RRP36: variants seen among roughly 807,000 people sequenced by gnomAD.
RRP36 encodes the protein ribosomal RNA processing protein 36 homolog.
Under a neutral mutation model 39.8 loss-of-function variants are expected in RRP36, and 44 were observed. The ratio of observed to expected loss-of-function variants is 1.10; its 90% CI spans 0.87 to 1.42. The LOEUF is 1.42. RRP36 is among the 40% of genes most tolerant of loss of function. RRP36 has a pLI of 0.00. For synonymous variants in RRP36, 124 were observed against 123.1 expected, an observed-to-expected ratio of 1.01 and a Z score of -0.05; for missense variants, 316 against 322.4, an observed-to-expected ratio of 0.98 and a Z score of 0.15.
chr6:43,026,248 T>A (rs1471170104), intron 4 of RRP36, 107 bp downstream of exon 4: 5 of 674,772 alleles, frequency 7.4e-6, no homozygotes, highest in East Asian at 5.4e-5. Context: ...TGGGCAGATT[T>A]AACTCTCTCC....
intron 1 of RRP36, 23 bp downstream of exon 1, chr6:43,021,807 G>A: frequency 2.5e-6 from 3 of 1,192,598 alleles, no homozygotes; most frequent in Non-Finnish European, 3.1e-6. Context: ...GGCAGGGCGG[G>A]CTGGGGAGGG....
chr6:43,028,722 G>A (rs980444319), intron 6 of RRP36, among the ~76,000 whole-genome samples: 1 of 151,938 alleles, frequency 6.6e-6, no homozygotes, highest in African/African-American at 2.4e-5. Context: ...AGGCTGAGGA[G>A]AGCGGATCAC....
intron 1 of RRP36, among the ~76,000 whole-genome samples, chr6:43,022,145 G>C (rs1375347072): frequency 6.6e-6 from 1 of 151,430 alleles, no homozygotes; most frequent in Non-Finnish European, 1.5e-5. Flanking sequence ...TCTCTCTGTC[G>C]CCAAGGCTGG....
Position 43,021,690 on chromosome 6 carries a change from CG to C in RRP36, c.40del (p.Ala14ProfsTer29), listed in dbSNP as rs1431083060. The C allele has an allele frequency of 8.2e-7, 1 of 1,226,702 alleles. No homozygotes were observed. Among genetic ancestry groups the C allele is most frequent in the South Asian group, 3.9e-5 (1 of 25,568 alleles). The allele number at this position is 1,226,702 out of a possible 1,614,324, so 76.0% of individuals were successfully genotyped here. A position where few individuals can be genotyped will look rare whatever the true frequency, so the allele number is the denominator to read the frequency against. On this transcript the variant is annotated frameshift_variant, in exon 1 of 7. Coordinates refer to ENST00000244496, the MANE Select transcript of RRP36 (RefSeq NM_033112.4). LOFTEE classifies it high-confidence loss of function. Reference protein sequence around the residue: ...GANYRAGAGAGAGARRPRGAR... With the variant: ...GANYRAGAGAXAGARRPRGAR... ...CTAACTACCGCGCCGGGGCCGGGGC[CG>C]GGGCCGGGGCCCGACGTCCCCGCGG...
chr6:43,028,055 C>T (rs1164924150), intron 6 of RRP36, among the ~76,000 whole-genome samples: 4 of 152,182 alleles, frequency 2.6e-5, no homozygotes, highest in East Asian at 1.9e-4. Flanking sequence ...GGGCTGGGCA[C>T]GGTGGCTCAC....
rs765100187 is a variant in RRP36, at chr6:43,021,644, A to T, written c.-11A>T. The T allele has an allele frequency of 7.8e-6, 10 of 1,284,372 alleles. No individual in the cohort carries two copies. Among genetic ancestry groups the T allele is most frequent in the South Asian group, 3.2e-5 (1 of 31,222 alleles). 79.6% of individuals were successfully genotyped at this position (1,284,372 alleles called of 1,614,324 possible). On this transcript the variant is annotated 5_prime_UTR_variant, in exon 1 of 7. Transcript: ENST00000244496. ...CGGCGCCATTCGTCTTCCGAGCGCT[A>T]CTGCCAGCTGATGCCGGGAGCTAAC... is the stretch of plus-strand genomic sequence containing the variant.
Position 43,021,777 on chromosome 6 carries a change from A to G in RRP36, c.123A>G (p.Leu41=), listed in dbSNP as rs1334400060. Residue 41 remains leucine, a synonymous_variant, in exon 1 of 7, where the codon CTA becomes CTG. Transcript: ENST00000244496. ...GLEPAAVARD[L]LRGTSNMSFE... is the part of the protein sequence containing the mutation. ...AGCCCGCGGCCGTGGCCCGCGACCT[A>G]TTGAGGGGTGAGGGCATGGGGCAGG... 6 of 602,974 alleles carry G rather than the reference A, an allele frequency of 1.0e-5. No individual in the cohort carries two copies. The highest frequency in any genetic ancestry group is 1.3e-5 in the Non-Finnish European group (6 of 476,016). 37.4% of individuals were successfully genotyped at this position (602,974 alleles called of 1,614,324 possible).
Position 43,027,268 on chromosome 6 carries a change from T to C in RRP36, c.525+16T>C, listed in dbSNP as rs1274582150. The C allele has an allele frequency of 3.1e-6, 5 of 1,613,706 alleles. No individual in the cohort carries two copies. In the Admixed American group the frequency reaches 5.0e-5, roughly 16 times the overall value. On this transcript the variant is annotated intron_variant, in intron 5 of 6. Transcript: ENST00000244496. Reference sequence around the variant, plus strand: ...TCAGCGAATGGTGAGTGGGTAATAATTGTGGTGGGTAATGAAAGCAATTAA... The same window carrying C: ...TCAGCGAATGGTGAGTGGGTAATAACTGTGGTGGGTAATGAAAGCAATTAA...
At position 43,025,095 on chromosome 6, in the gene RRP36, C is replaced by T; in HGVS notation, c.241C>T (p.Pro81Ser). ...TAGTCCTAAGAAACAAGCTTCTAGA[C>T]CACCTATCCAAAATGCATGTGTTGC... ...GNSPKKQASR[P>S]PIQNACVADK... Residue 81 changes from proline to serine, a missense_variant, in exon 2 of 7, where the codon CCA becomes TCA. By Grantham distance (74) the Pro-to-Ser change is moderately conservative (BLOSUM62 -1). Coordinates refer to ENST00000244496, the MANE Select transcript of RRP36 (RefSeq NM_033112.4). 6.2e-7 allele frequency: 1 copy of T among 1,614,194 alleles called. No individual in the cohort carries two copies. Among genetic ancestry groups the T allele is most frequent in the Non-Finnish European group, 8.5e-7 (1 of 1,180,038 alleles).
Position 43,029,561 on chromosome 6 carries a change from T to G in RRP36, c.*333T>G, listed in dbSNP as rs1270656973. On this transcript the variant is annotated 3_prime_UTR_variant, in exon 7 of 7. Transcript: ENST00000244496. ...TTCGTGACTCCCAGGGCTGGGACATTATGTAGGAGCCACTTCATAAACATT... is the reference window on the plus strand; with the variant it reads ...TTCGTGACTCCCAGGGCTGGGACATGATGTAGGAGCCACTTCATAAACATT... The G allele has an allele frequency of 4.4e-6, 1 of 227,890 alleles. No homozygotes were observed. The highest frequency in any genetic ancestry group is 8.6e-6 in the Non-Finnish European group (1 of 116,856). The allele number at this position is 227,890 out of a possible 1,614,324, so 14.1% of individuals were successfully genotyped here.
At chr6:43,022,831 C>G (rs1287621143) in intron 1 of RRP36, among the ~76,000 whole-genome samples, 1 of 151,822 alleles carries the variant, frequency 6.6e-6, no homozygotes, top group Non-Finnish European at 1.5e-5. Context: ...TGGGGTTTCA[C>G]CGTGTTAGCC....
At position 43,026,747 on chromosome 6, in the gene RRP36, G is replaced by A. The variant is rs1762818619; in HGVS notation, c.451-431G>A. ...TGGCCGGGTGCGGTGGCTCATGCCT[G>A]TTATCCCACCACTTTGGGAGGCCGA... is the stretch of plus-strand genomic sequence containing the variant. On this transcript the variant is annotated intron_variant, in intron 4 of 6. Transcript: ENST00000244496. Among the ~76,000 whole-genome samples the A allele has an allele frequency of 2.0e-5, 3 of 151,992 alleles. 1 individual carries two copies. Among genetic ancestry groups the A allele is most frequent in the Middle Eastern group, 6.3e-3 (2 of 316 alleles).
chr6:43,023,647 G>A (rs368129672), intron 1 of RRP36, among the ~76,000 whole-genome samples: 14 of 146,754 alleles, frequency 9.5e-5, no homozygotes, highest in African/African-American at 3.5e-4. Context: ...AGCCGAGATC[G>A]CGCCACTGCA....
intron 1 of RRP36, 60 bp from the exon 2 acceptor site, chr6:43,024,925 A>T: frequency 6.3e-7 from 1 of 1,593,978 alleles, no homozygotes; most frequent in Non-Finnish European, 8.6e-7. Context: ...GGATGGGAAG[A>T]TGTCTTTTCT....
intron 1 of RRP36, 102 bp downstream of exon 1, chr6:43,021,886 G>A (rs904823938): frequency 3.3e-6 from 3 of 901,590 alleles, no homozygotes; most frequent in Non-Finnish European, 4.3e-6. Flanking sequence ...AGTTCTCTAA[G>A]AGGCAGACGC....
chr6:43,023,912 A>G (rs1219388423), intron 1 of RRP36, among the ~76,000 whole-genome samples: 1 of 148,132 alleles, frequency 6.8e-6, no homozygotes, highest in Non-Finnish European at 1.5e-5. Context: ...GCTGGAGTGC[A>G]GTGACGTGAT....
At chr6:43,027,539 T>C in intron 6 of RRP36, 62 bp downstream of exon 6, 1 of 1,373,614 alleles carries the variant, frequency 7.3e-7, no homozygotes, top group Non-Finnish European at 1.0e-6. Flanking sequence ...TGGTAGAGTC[T>C]TGTGTTGGGG....
chr6:43,025,949 GA>G, intron 3 of RRP36, 87 bp from the exon 4 acceptor site: 1 of 967,302 alleles, frequency 1.0e-6, no homozygotes, highest in Admixed American at 2.4e-5. Flanking sequence ...CAAAAAAAAA[GA>G]AAGATGAGGA....
At chr6:43,028,509 G>A (rs1018208390) in intron 6 of RRP36, among the ~76,000 whole-genome samples, 1 of 151,162 alleles carries the variant, frequency 6.6e-6, no homozygotes, top group African/African-American at 2.4e-5. Flanking sequence ...TTAGCTGGGT[G>A]TGGTGCTGTG....
Sources: allele counts gnomAD v4.1 joint callset (sites outside exome capture counted in the v4.1 genomes callset), GRCh38; gene constraint gnomAD v4.1.1; transcripts MANE v1.5; gene names NCBI Gene and HGNC (gene_info 2026-07-23, HGNC 2026-07-21).